The following ATXN1 variants were observed in gnomAD, a reference collection of about 807,000 sequenced individuals.
The protein encoded by ATXN1 is ataxin 1, also known as ataxin-1.
A neutral mutation model predicts 56.4 loss-of-function variants in ATXN1; 8 were observed. That is an observed-to-expected ratio of 0.14 (90% CI 0.08 to 0.26). The LOEUF (loss-of-function observed/expected upper bound fraction) is 0.26, where lower values mean the gene tolerates loss of function less well. Ranked by LOEUF, ATXN1 falls within the 10% of genes least tolerant of loss-of-function variation. ATXN1 has a pLI of 1.00. For missense variants in ATXN1, 987 were observed against 1,106.5 expected (o/e 0.89, Z 1.53); for synonymous variants, 514 against 494.6 (o/e 1.04, Z -0.52).
chr6:16,707,385 A>C (rs143252512), intron 2 of ATXN1, among the ~76,000 whole-genome samples: 1,768 of 152,198 alleles, frequency 0.012, 19 homozygotes, highest in Non-Finnish European at 0.017. Context: ...CTCAAATACA[A>C]CACCAAATCC....
intron 4 of ATXN1, among the ~76,000 whole-genome samples, chr6:16,526,638 G>T (rs560867368): frequency 7.5e-4 from 114 of 152,080 alleles, no homozygotes; most frequent in Middle Eastern, 6.8e-3. Context: ...GGTGGCAGGT[G>T]CCTGTAATCC....
At chr6:16,481,435 C>T (rs1236200410) in intron 6 of ATXN1, among the ~76,000 whole-genome samples, 1 of 152,100 alleles carries the variant, frequency 6.6e-6, no homozygotes, top group Non-Finnish European at 1.5e-5. Flanking sequence ...AAGAGAAATT[C>T]AGCTCCCATT....
At chr6:16,384,444 A>G (rs572265570) in intron 6 of ATXN1, among the ~76,000 whole-genome samples, 4 of 152,316 alleles carry the variant, frequency 2.6e-5, no homozygotes, top group African/African-American at 9.6e-5. Context: ...CACTTCATTC[A>G]CCAAATGAGT....
At position 16,460,874 on chromosome 6, in the gene ATXN1, G is replaced by A. The variant is rs373917139; in HGVS notation, c.-161+25098C>T. On this transcript the variant is annotated intron_variant, in intron 6 of 7. Transcript: ENST00000436367. Reference sequence around the variant, plus strand: ...CAGAACTTACCCAAGCCTTAGAACCGGGAAAGGAAAAAAGAATAAATGTGT... The same window carrying A: ...CAGAACTTACCCAAGCCTTAGAACCAGGAAAGGAAAAAAGAATAAATGTGT... Among the ~76,000 whole-genome samples, 14 of 152,160 alleles carry A rather than the reference G, an allele frequency of 9.2e-5. No homozygotes were observed. In the East Asian group the frequency reaches 1.3e-3, roughly 15 times the overall value.
intron 2 of ATXN1, among the ~76,000 whole-genome samples, chr6:16,664,713 C>T (rs1758390730): frequency 6.6e-6 from 1 of 151,358 alleles, no homozygotes; most frequent in Non-Finnish European, 1.5e-5. Flanking sequence ...GGTCCTCACA[C>T]TTTTGGTCCT....
intron 6 of ATXN1, among the ~76,000 whole-genome samples, chr6:16,340,427 G>A (rs1003239799): frequency 1.3e-5 from 2 of 152,212 alleles, no homozygotes; most frequent in African/African-American, 4.8e-5. Context: ...AGGAGGTAAT[G>A]CTGTTCATCA....
intron 3 of ATXN1, among the ~76,000 whole-genome samples, chr6:16,630,115 A>G (rs971197832): frequency 7.2e-5 from 11 of 152,158 alleles, no homozygotes; most frequent in Admixed American, 5.9e-4. Context: ...TCACAAAGCT[A>G]GAATGGGTCT....
At chr6:16,730,485 A>ATGTATG (rs1554128997) in intron 2 of ATXN1, among the ~76,000 whole-genome samples, 1 of 118,412 alleles carries the variant, frequency 8.4e-6, no homozygotes, top group Non-Finnish European at 1.7e-5. Flanking sequence ...GTAAAACAGT[A>ATGTATG]TGTATATATA....
At chr6:16,409,735 A>G (rs1033645353) in intron 6 of ATXN1, among the ~76,000 whole-genome samples, 1 of 151,702 alleles carries the variant, frequency 6.6e-6, no homozygotes, top group Non-Finnish European at 1.5e-5. Flanking sequence ...TTGTTGTAAG[A>G]CAATTTTAAA....
In ATXN1 at chr6:16,301,574, C is replaced by A. The variant is rs1760100172; in HGVS notation, c.*4755G>T. On this transcript the variant is annotated 3_prime_UTR_variant, in exon 8 of 8. Coordinates refer to ENST00000436367, the MANE Select transcript of ATXN1 (RefSeq NM_001128164.2). ...TCTGGGTTAAAAACAAATGTGGAAG[C>A]AAAGGCCTCCACGCCACTTAAAAAA... 6.6e-6 allele frequency: 1 copy of A among 152,160 alleles called. No individual in the cohort carries two copies. Among genetic ancestry groups the A allele is most frequent in the Admixed American group, 6.6e-5 (1 of 15,226 alleles). 9.4% of individuals were successfully genotyped at this position (152,160 alleles called of 1,614,324 possible). A position where few individuals can be genotyped will look rare whatever the true frequency, so the allele number is the denominator to read the frequency against.
At chr6:16,351,045 C>T (rs1020094317) in intron 6 of ATXN1, among the ~76,000 whole-genome samples, 7 of 151,964 alleles carry the variant, frequency 4.6e-5, no homozygotes, top group African/African-American at 1.5e-4. Context: ...GCTGAGATCG[C>T]GGCACTGCAC....
chr6:16,356,833 AT>A (rs1231892335), intron 6 of ATXN1, among the ~76,000 whole-genome samples: 8 of 152,190 alleles, frequency 5.3e-5, no homozygotes, highest in Admixed American at 1.3e-4. Flanking sequence ...TTTGTCAAAC[AT>A]TTTTAGGAAG....
At chr6:16,577,408 C>T (rs1416423500) in intron 4 of ATXN1, among the ~76,000 whole-genome samples, 1 of 151,590 alleles carries the variant, frequency 6.6e-6, no homozygotes, top group African/African-American at 2.4e-5. Context: ...CCTGTAGTCC[C>T]AGCTACTTGG....
At chr6:16,314,030 A>G (rs1337255263) in intron 7 of ATXN1, among the ~76,000 whole-genome samples, 2 of 152,210 alleles carry the variant, frequency 1.3e-5, no homozygotes, top group African/African-American at 2.4e-5. Flanking sequence ...AGCTGGGTCC[A>G]TGAAAGCTGA....
chr6:16,323,404 G>A (rs1385014193), intron 7 of ATXN1, among the ~76,000 whole-genome samples: 3 of 151,566 alleles, frequency 2.0e-5, no homozygotes, highest in East Asian at 1.9e-4. Context: ...CTGTAGTCTC[G>A]GCTACTTGGG....
At chr6:16,443,450 TGAA>T (rs2113601558) in intron 6 of ATXN1, among the ~76,000 whole-genome samples, 1 of 152,244 alleles carries the variant, frequency 6.6e-6, no homozygotes, top group South Asian at 2.1e-4. Flanking sequence ...TTAAAGTAAG[TGAA>T]CTCAAATGTA....
intron 4 of ATXN1, among the ~76,000 whole-genome samples, chr6:16,549,672 C>G (rs144460876): frequency 1.3e-5 from 2 of 151,942 alleles, no homozygotes; most frequent in African/African-American, 4.8e-5. Context: ...CAGAGATGGG[C>G]GGATCACCTG....
chr6:16,441,419 C>G (rs1759514826), intron 6 of ATXN1, among the ~76,000 whole-genome samples: 1 of 151,736 alleles, frequency 6.6e-6, no homozygotes, highest in Non-Finnish European at 1.5e-5. Flanking sequence ...CCTAAAAATA[C>G]AAGAAAACTC....
chr6:16,353,065 A>C (rs1761605024), intron 6 of ATXN1, among the ~76,000 whole-genome samples: 1 of 152,140 alleles, frequency 6.6e-6, no homozygotes, highest in Non-Finnish European at 1.5e-5. Context: ...GGATGGGGTA[A>C]GGCGTGAGAT....
Sources: allele counts gnomAD v4.1 joint callset (sites outside exome capture counted in the v4.1 genomes callset), GRCh38; gene constraint gnomAD v4.1.1; transcripts MANE v1.5; gene names NCBI Gene and HGNC (gene_info 2026-07-23, HGNC 2026-07-21).